The following PCDHA7 variants were observed in gnomAD, a reference collection of about 807,000 sequenced individuals.
PCDHA7 encodes the protein protocadherin alpha 7.
A neutral mutation model predicts 57.2 loss-of-function variants in PCDHA7; 37 were observed. The observed-to-expected ratio is 0.65, with a 90% CI of 0.50 to 0.85. PCDHA7 has a LOEUF of 0.85. Among genes scored for constraint, PCDHA7 ranks in the 40% least tolerant of loss-of-function variants. The pLI, the probability that PCDHA7 is intolerant of heterozygous loss-of-function variation, is 0.00. For missense variants in PCDHA7, 1,188 were observed against 1,241.8 expected (o/e 0.96, Z 0.65); for synonymous variants, 553 against 558.8 (o/e 0.99, Z 0.15).
At chr5:140,904,858 CTGTT>C (rs1335177457) in intron 1 of PCDHA7, among the ~76,000 whole-genome samples, 1 of 152,072 alleles carries the variant, frequency 6.6e-6, no homozygotes, top group Non-Finnish European at 1.5e-5. Context: ...TGAGAATTGT[CTGTT>C]TATGTCCTTA....
chr5:140,919,593 T>A (rs541275874), intron 1 of PCDHA7, among the ~76,000 whole-genome samples: 1 of 152,332 alleles, frequency 6.6e-6, no homozygotes, highest in South Asian at 2.1e-4. Flanking sequence ...TGGTAATTTT[T>A]AAAATAAATT....
chr5:140,841,339 A>T, intron 1 of PCDHA7: 1 of 1,610,480 alleles, frequency 6.2e-7, no homozygotes, highest in Non-Finnish European at 8.5e-7. Flanking sequence ...ATCACTGGCG[A>T]GGAGAGCTGG....
intron 3 of PCDHA7, among the ~76,000 whole-genome samples, chr5:141,003,237 T>G (rs1357530548): frequency 6.6e-6 from 1 of 152,228 alleles, no homozygotes; most frequent in Non-Finnish European, 1.5e-5. Flanking sequence ...CTGGAAATTT[T>G]GCCAAAAAGA....
At chr5:140,996,036 C>T (rs1324761666) in intron 3 of PCDHA7, among the ~76,000 whole-genome samples, 1 of 152,190 alleles carries the variant, frequency 6.6e-6, no homozygotes, top group Non-Finnish European at 1.5e-5. Context: ...GCTCCTAGCA[C>T]TTAACACAGT....
chr5:140,982,609 G>A, intron 3 of PCDHA7, 46 bp downstream of exon 3: 1 of 1,600,864 alleles, frequency 6.2e-7, no homozygotes, highest in East Asian at 2.2e-5. Context: ...TCTGGAAAGT[G>A]ATCAGATGAC....
chr5:140,884,733 T>A (rs782206169), intron 1 of PCDHA7: 2 of 1,448,004 alleles, frequency 1.4e-6, no homozygotes, highest in African/African-American at 1.4e-5. Flanking sequence ...GTTTAAGACA[T>A]CTTTCCTGCC....
chr5:140,928,635 A>G lies in PCDHA7; in HGVS notation c.2356-50314A>G, dbSNP rs148091714. On this transcript the variant is annotated intron_variant, in intron 1 of 3. Transcript: ENST00000525929. ...CTGCCAGGACTGGACACTTGGTCAC[A>G]AAAGTGGTAGCAGAGGATGCTGACA... is the stretch of plus-strand genomic sequence containing the variant. 6 of 1,614,104 alleles carry G rather than the reference A, an allele frequency of 3.7e-6. No individual in the cohort carries two copies. The Middle Eastern group carries it at 4.9e-4, about 133-fold the overall frequency.
At chr5:140,883,349 GA>G in intron 1 of PCDHA7, 1 of 1,614,142 alleles carries the variant, frequency 6.2e-7, no homozygotes, top group Non-Finnish European at 8.5e-7. Flanking sequence ...CCCCATCAGA[GA>G]AGACACTCAG....
At position 140,849,621 on chromosome 5, in the gene PCDHA7, G is replaced by A. The variant is rs2150442688; in HGVS notation, c.2355+12883G>A. The stretch of plus-strand genomic sequence containing the variant: ...AGTTATTGCCCTGATTAGTGTGATC[G>A]ACCTAGACGCAGATGCCAACGGGCA... On this transcript the variant is annotated intron_variant, in intron 1 of 3. Transcript: ENST00000525929. The A allele has an allele frequency of 1.9e-6, 3 of 1,598,666 alleles. 1 individual carries two copies. The highest frequency in any genetic ancestry group is 2.2e-5 in the East Asian group (1 of 44,846).
chr5:140,901,234 T>C (rs1013983503), intron 1 of PCDHA7, among the ~76,000 whole-genome samples: 1 of 152,156 alleles, frequency 6.6e-6, no homozygotes, highest in Non-Finnish European at 1.5e-5. Flanking sequence ...ATATATCCAT[T>C]TTTTTCCTTT....
intron 1 of PCDHA7, chr5:140,866,517 C>T (rs1554160368): frequency 6.6e-6 from 1 of 152,090 alleles, no homozygotes; most frequent in African/African-American, 2.4e-5. Flanking sequence ...CTTGACTAAG[C>T]CATGATAGAG....
intron 1 of PCDHA7, among the ~76,000 whole-genome samples, chr5:140,918,041 C>T (rs1554198405): frequency 6.6e-6 from 1 of 152,058 alleles, no homozygotes; most frequent in Non-Finnish European, 1.5e-5. Flanking sequence ...AAGGTCTTTC[C>T]ATTTGTTTTA....
intron 1 of PCDHA7, among the ~76,000 whole-genome samples, chr5:140,969,689 G>C (rs2096353737): frequency 6.6e-6 from 1 of 152,136 alleles, no homozygotes; most frequent in Admixed American, 6.5e-5. Context: ...AGGAGAAATG[G>C]CCTCTGCTGT....
At chr5:140,928,739 G>A in intron 1 of PCDHA7, 1 of 1,614,148 alleles carries the variant, frequency 6.2e-7, no homozygotes, top group African/African-American at 1.3e-5. Flanking sequence ...GCCAATATAG[G>A]TGAGCTCCGT....
chr5:140,912,533 A>G (rs570012858), intron 1 of PCDHA7, among the ~76,000 whole-genome samples: 1 of 152,224 alleles, frequency 6.6e-6, no homozygotes, highest in African/African-American at 2.4e-5. Flanking sequence ...AGAGTACATG[A>G]TCATATTGTC....
chr5:140,845,010 T>G (rs2150375748), intron 1 of PCDHA7, among the ~76,000 whole-genome samples: 12 of 149,368 alleles, frequency 8.0e-5, no homozygotes, highest in Non-Finnish European at 1.0e-4. Context: ...GAACAAATAA[T>G]GTAATCATTT....
Position 140,877,703 on chromosome 5 carries a change from C to T in PCDHA7, c.2355+40965C>T, listed in dbSNP as rs781946062. On this transcript the variant is annotated intron_variant, in intron 1 of 3. Coordinates refer to ENST00000525929, the MANE Select transcript of PCDHA7 (RefSeq NM_018910.3). ...AAGCCCACGCTGGTGTGCTCCAGCG[C>T]CGTGGGGAGTTGGTCTTACTCGCAG... 4 of 1,613,986 alleles carry T rather than the reference C, an allele frequency of 2.5e-6. No individual in the cohort carries two copies. In the East Asian group the frequency reaches 8.9e-5, roughly 36 times the overall value.
At chr5:140,983,463 C>T (rs1554245464) in intron 3 of PCDHA7, among the ~76,000 whole-genome samples, 1 of 152,208 alleles carries the variant, frequency 6.6e-6, no homozygotes, top group Non-Finnish European at 1.5e-5. Flanking sequence ...AATAGAACAT[C>T]ATGATGATAA....
chr5:140,850,941 T>A lies in PCDHA7; in HGVS notation c.2355+14203T>A. The A allele has an allele frequency of 2.0e-6, 3 of 1,505,592 alleles. 1 individual carries two copies. 93.3% of individuals were successfully genotyped at this position (1,505,592 alleles called of 1,614,324 possible). On this transcript the variant is annotated intron_variant, in intron 1 of 3. Coordinates refer to ENST00000525929, the MANE Select transcript of PCDHA7 (RefSeq NM_018910.3). ...TTATATAATTTTTTTTCTTGAAAGATATTATCGATTACTCCCAGGGGCCGT... is the reference window on the plus strand; with the variant it reads ...TTATATAATTTTTTTTCTTGAAAGAAATTATCGATTACTCCCAGGGGCCGT...
Sources: allele counts gnomAD v4.1 joint callset (sites outside exome capture counted in the v4.1 genomes callset), GRCh38; gene constraint gnomAD v4.1.1; transcripts MANE v1.5; gene names NCBI Gene and HGNC (gene_info 2026-07-23, HGNC 2026-07-21).